Variants in PCDH10 observed in about 807,000 individuals in gnomAD.
The protein encoded by PCDH10 is protocadherin-10.
Under a neutral mutation model 74.4 loss-of-function variants are expected in PCDH10, and 15 were observed. The observed-to-expected ratio is 0.20, with a 90% CI of 0.13 to 0.31. The LOEUF is 0.31. PCDH10 is among the 10% of genes least tolerant of loss of function. PCDH10 has a pLI of 1.00. For missense variants in PCDH10, 1,260 were observed against 1,390.2 expected, an observed-to-expected ratio of 0.91 and a Z score of 1.49; for synonymous variants, 619 against 589.8, an observed-to-expected ratio of 1.05 and a Z score of -0.72.
Position 133,149,971 on chromosome 4 carries a change from C to A in PCDH10, c.-170C>A. 1 of 927,472 alleles carries A rather than the reference C, an allele frequency of 1.1e-6. No individual in the cohort carries two copies. 57.5% of individuals were successfully genotyped at this position (927,472 alleles called of 1,614,324 possible). On this transcript the variant is annotated 5_prime_UTR_variant, in exon 1 of 5. Coordinates refer to ENST00000264360, the MANE Select transcript of PCDH10 (RefSeq NM_032961.3). The stretch of plus-strand genomic sequence containing the variant: ...AAAAATGAGGCTGGATTGCGGGAAG[C>A]TCTAAAATGAAGCAAAAGGAGTAAG...
In PCDH10 at chr4:133,150,072, TTCGTGG is replaced by T; in HGVS notation, c.-67_-62del. 6.9e-7 allele frequency: 1 copy of T among 1,439,436 alleles called. No homozygotes were observed. Among genetic ancestry groups the T allele is most frequent in the Non-Finnish European group, 9.1e-7 (1 of 1,093,252 alleles). The allele number at this position is 1,439,436 out of a possible 1,614,324, so 89.2% of individuals were successfully genotyped here. On this transcript the variant is annotated 5_prime_UTR_variant, in exon 1 of 5. Coordinates refer to ENST00000264360, the MANE Select transcript of PCDH10 (RefSeq NM_032961.3). ...TGTATTTTTTCAGATTTTTTTTTGTTTCGTGGTGGTGGGGGAGGTGATTGGGTGGCT... is the reference window on the plus strand; with the variant it reads ...TGTATTTTTTCAGATTTTTTTTTGTTTGGTGGGGGAGGTGATTGGGTGGCT...
chr4:133,179,079 T>G (rs1392241892), intron 4 of PCDH10, among the ~76,000 whole-genome samples: 1 of 152,130 alleles, frequency 6.6e-6, no homozygotes, highest in East Asian at 1.9e-4. Flanking sequence ...AGCCAGGCAG[T>G]CTTTTTGAGT....
At position 133,151,298 on chromosome 4, in the gene PCDH10, C is replaced by G. The variant is rs1726682322; in HGVS notation, c.1158C>G (p.Asp386Glu). The G allele has an allele frequency of 6.2e-7, 1 of 1,614,178 alleles. No individual in the cohort carries two copies. Among genetic ancestry groups the G allele is most frequent in the Non-Finnish European group, 8.5e-7 (1 of 1,180,026 alleles). The change falls in exon 1 of 5, where the codon GAC (aspartate) becomes GAG (glutamate). Residue 386 changes from aspartate to glutamate, a missense_variant. Coordinates refer to ENST00000264360, the MANE Select transcript of PCDH10 (RefSeq NM_032961.3). The stretch of plus-strand genomic sequence containing the variant: ...CCCTTTTCAGCGTGACTGACCGCGA[C>G]TCAGAGGAGAATGGGCAGGTGCAGT... ...VVALFSVTDRDSEENGQVQCE... is the reference protein window; with the variant it reads ...VVALFSVTDRESEENGQVQCE...
chr4:133,157,918 A>T (rs1726898483), intron 3 of PCDH10, among the ~76,000 whole-genome samples: 1 of 152,152 alleles, frequency 6.6e-6, no homozygotes, highest in African/African-American at 2.4e-5. Context: ...ACAGAGAATC[A>T]CATAAGCTTT....
chr4:133,200,435 A>T (rs1727881590), intron 2 of PCDH10, among the ~76,000 whole-genome samples: 1 of 152,104 alleles, frequency 6.6e-6, no homozygotes, highest in African/African-American at 2.4e-5. Flanking sequence ...TTAATAAAAT[A>T]TTTAAAAGAT....
intron 3 of PCDH10, among the ~76,000 whole-genome samples, chr4:133,160,766 AATG>A (rs1297447722): frequency 6.6e-6 from 1 of 151,988 alleles, no homozygotes; most frequent in Non-Finnish European, 1.5e-5. Context: ...CGTGAAGAAA[AATG>A]ATATTAGTTC....
rs1022345582 is a variant in PCDH10, at chr4:133,149,317, G to A, written c.-824G>A. On this transcript the variant is annotated 5_prime_UTR_variant, in exon 1 of 5. Coordinates refer to ENST00000264360, the MANE Select transcript of PCDH10 (RefSeq NM_032961.3). ...TCAGAAACTGCCAGCCCAGACCACA[G>A]GCTCAGAGGCTGAAGCAGGAGGAAG... 6.6e-6 allele frequency: 1 copy of A among 152,438 alleles called. No individual in the cohort carries two copies. Among genetic ancestry groups the A allele is most frequent in the African/African-American group, 2.4e-5 (1 of 41,464 alleles). The allele number at this position is 152,438 out of a possible 1,614,324, so 9.4% of individuals were successfully genotyped here.
chr4:133,167,453 T>G (rs552011734), intron 4 of PCDH10, among the ~76,000 whole-genome samples: 1 of 151,696 alleles, frequency 6.6e-6, no homozygotes, highest in South Asian at 2.1e-4. Context: ...TGTACCTCTG[T>G]ATAGTGTTTT....
chr4:133,157,020 CAGTTTTTGTTTTTATCAAA>C (rs985866176), intron 3 of PCDH10, among the ~76,000 whole-genome samples: 1 of 152,234 alleles, frequency 6.6e-6, no homozygotes, highest in African/African-American at 2.4e-5. Context: ...TTCAGCCAGG[CAGTTTTTGTTTTTATCAAA>C]ATGTTAAAAT....
At chr4:133,187,359 G>T (rs973120783) in intron 4 of PCDH10, among the ~76,000 whole-genome samples, 1 of 152,056 alleles carries the variant, frequency 6.6e-6, no homozygotes, top group South Asian at 2.1e-4. Context: ...ACATGCATAG[G>T]ATATATGCAT....
At chr4:133,176,897 G>C (rs1165769415) in intron 4 of PCDH10, among the ~76,000 whole-genome samples, 1 of 151,874 alleles carries the variant, frequency 6.6e-6, no homozygotes, top group Non-Finnish European at 1.5e-5. Context: ...TCAAGCAACA[G>C]ATTTTTATTT....
rs184869292 is a variant in PCDH10 at position 133,169,351 on chromosome 4, G to A, written c.3103+6069G>A. Reference sequence around the variant, plus strand: ...TTAAGTAAAATATTGTCATTTAAGGGCATATAGAGAAAACATAATCGATCA... The same window carrying A: ...TTAAGTAAAATATTGTCATTTAAGGACATATAGAGAAAACATAATCGATCA... On this transcript the variant is annotated intron_variant, in intron 4 of 4. Coordinates refer to ENST00000264360, the MANE Select transcript of PCDH10 (RefSeq NM_032961.3). Among the ~76,000 whole-genome samples the A allele has an allele frequency of 1.2e-3, 180 of 151,780 alleles. 1 individual carries two copies. The highest frequency in any genetic ancestry group is 3.8e-3 in the African/African-American group (159 of 41,510).
At chr4:133,154,475 T>A (rs1726819540) in intron 2 of PCDH10, 110 bp downstream of exon 2, 1 of 622,004 alleles carries the variant, frequency 1.6e-6, no homozygotes, top group Non-Finnish European at 2.8e-6. Context: ...ATATTTTCAA[T>A]TAAGGCAGGA....
intron 4 of PCDH10, among the ~76,000 whole-genome samples, chr4:133,180,961 T>A (rs1727403219): frequency 6.6e-6 from 1 of 151,890 alleles, no homozygotes; most frequent in South Asian, 2.1e-4. Flanking sequence ...GCTTATGAGT[T>A]TTCAAATCTC....
Position 133,152,604 on chromosome 4 carries a change from C to G in PCDH10, c.2464C>G (p.Gln822Glu). The change falls in exon 1 of 5, where the codon CAG (glutamine) becomes GAG (glutamate). Residue 822 changes from glutamine to glutamate, a missense_variant. By Grantham distance (29) the Gln-to-Glu change is conservative. This residue lies in a region of PCDH10 where 587 missense variants were observed against 616.9 expected (regional missense o/e 0.95). Coordinates refer to ENST00000264360, the MANE Select transcript of PCDH10 (RefSeq NM_032961.3). ...CCACCACAACCAGAATTACTGCTAT[C>G]AGGTATGCCTGACCCCTGAGTCCGC... ...SHHHNQNYCY[Q>E]VCLTPESAKT... is the part of the protein sequence containing the mutation. 6.2e-7 allele frequency: 1 copy of G among 1,614,192 alleles called. No homozygotes were observed. Among genetic ancestry groups the G allele is most frequent in the Non-Finnish European group, 8.5e-7 (1 of 1,180,038 alleles).
chr4:133,207,804 A>C (rs1171995378), intron 2 of PCDH10, among the ~76,000 whole-genome samples: 3 of 152,156 alleles, frequency 2.0e-5, no homozygotes, highest in Non-Finnish European at 2.9e-5. Flanking sequence ...TTTGTAATAT[A>C]AAAAAGTACC....
At chr4:133,201,658 AC>A (rs1335856909) in intron 2 of PCDH10, among the ~76,000 whole-genome samples, 1 of 151,928 alleles carries the variant, frequency 6.6e-6, no homozygotes, top group African/African-American at 2.4e-5. Context: ...GAAGTTTGAG[AC>A]CCGCCTGACC....
intron 4 of PCDH10, among the ~76,000 whole-genome samples, chr4:133,187,436 C>A (rs1727566497): frequency 6.6e-6 from 1 of 152,194 alleles, no homozygotes; most frequent in East Asian, 1.9e-4. Context: ...CAGGCCCTCA[C>A]AGACACTGAG....
At chr4:133,180,813 A>T (rs969401438) in intron 4 of PCDH10, among the ~76,000 whole-genome samples, 1 of 151,926 alleles carries the variant, frequency 6.6e-6, no homozygotes, top group Non-Finnish European at 1.5e-5. Context: ...CAAAAGTAAC[A>T]TAATGATTTA....
Sources: allele counts gnomAD v4.1 joint callset (sites outside exome capture counted in the v4.1 genomes callset), GRCh38; gene constraint gnomAD v4.1.1; regional missense constraint gnomAD v4.1.1; transcripts MANE v1.5; gene names NCBI Gene and HGNC (gene_info 2026-07-23, HGNC 2026-07-21).